The following TRAF3IP3 variants were observed in gnomAD, a reference collection of about 807,000 sequenced individuals.
TRAF3IP3 encodes the protein TRAF3-interacting JNK-activating modulator.
TRAF3IP3 carries 64 observed loss-of-function variants against 86.5 expected under a neutral mutation model. The observed-to-expected ratio is 0.74, with a 90% CI of 0.60 to 0.91. The LOEUF is 0.91. Among genes scored for constraint, TRAF3IP3 ranks in the 40% least tolerant of loss-of-function variants. The pLI, the probability that TRAF3IP3 is intolerant of heterozygous loss-of-function variation, is 0.00. For synonymous variants in TRAF3IP3, 220 were observed against 243.9 expected (o/e 0.90, Z 0.91); for missense variants, 579 against 642.9 (o/e 0.90, Z 1.07).
At chr1:209,780,226 A>G (rs2076153) in intron 14 of TRAF3IP3, 132,802 of 301,396 alleles carry the variant, frequency 0.44, 29,804 homozygotes, top group East Asian at 0.6. Context: ...GCACTAGATA[A>G]GACTGGGGAT....
At chr1:209,773,340 C>G (rs2077585952) in intron 9 of TRAF3IP3, among the ~76,000 whole-genome samples, 1 of 152,230 alleles carries the variant, frequency 6.6e-6, no homozygotes, top group Non-Finnish European at 1.5e-5. Context: ...TAAAGACTCA[C>G]ATCACCCAGA....
chr1:209,781,080 A>G (rs2077768469), intron 15 of TRAF3IP3: 1 of 235,014 alleles, frequency 4.3e-6, no homozygotes, highest in South Asian at 6.5e-5. Context: ...CTCATTTGCA[A>G]AGCACTTGCA....
At position 209,775,686 on chromosome 1, in the gene TRAF3IP3, C is replaced by T; in HGVS notation, c.1003C>T (p.Gln335Ter). The T allele has an allele frequency of 6.2e-7, 1 of 1,614,020 alleles. No individual in the cohort carries two copies. The highest frequency in any genetic ancestry group is 1.1e-5 in the South Asian group (1 of 91,054). ...GGAGGACTGGAGGACCCTTGGGACCCAGCACAGGGAGCTGGAGAGCCAACT... is the reference window on the plus strand; with the variant it reads ...GGAGGACTGGAGGACCCTTGGGACCTAGCACAGGGAGCTGGAGAGCCAACT... ...LKEDWRTLGT[Q>*]HRELESQLHV... The change falls in exon 11 of 17, where the codon CAG becomes TAG. Residue 335 changes from glutamine (Q) to a stop codon, truncating the protein, a stop_gained. Transcript: ENST00000367025. LOFTEE classifies it high-confidence loss of function.
At chr1:209,771,637 G>C (rs1168420759) in intron 8 of TRAF3IP3, among the ~76,000 whole-genome samples, 1 of 147,376 alleles carries the variant, frequency 6.8e-6, no homozygotes, top group Non-Finnish European at 1.5e-5. Flanking sequence ...GGAGGTGTGC[G>C]TGTGCATGTG....
chr1:209,781,733 G>C (rs1178228200), intron 16 of TRAF3IP3: 1 of 482,858 alleles, frequency 2.1e-6, no homozygotes, highest in Non-Finnish European at 3.7e-6. Flanking sequence ...GATAAGCATG[G>C]TGGCAAGAAC....
chr1:209,762,390 C>CG, intron 3 of TRAF3IP3, 125 bp from the exon 4 acceptor site: 3 of 936,096 alleles, frequency 3.2e-6, no homozygotes, highest in Non-Finnish European at 2.9e-6. Context: ...CAGATTTGGG[C>CG]GGGGGGACAA....
At chr1:209,762,729 C>T in intron 4 of TRAF3IP3, 67 bp downstream of exon 4, 2 of 1,154,304 alleles carry the variant, frequency 1.7e-6, no homozygotes, top group Non-Finnish European at 2.2e-6. Flanking sequence ...TCCCAGCTCA[C>T]TGGCAATGGA....
In TRAF3IP3 at chr1:209,760,164, G is replaced by A. The variant is rs1230257789; in HGVS notation, c.125G>A (p.Cys42Tyr). Residue 42 changes from cysteine (C) to tyrosine (Y), a missense_variant, in exon 3 of 17, where the codon TGC (cysteine) becomes TAC (tyrosine). By Grantham distance (194) the Cys-to-Tyr change is radical. Transcript: ENST00000367025. ...SRRCRPNVTT[C>Y]RQVGKTLRIQ... ...CGCTGCCGTCCCAATGTGACCACTTGCCGCCAGGTGGGGAAGACGCTGAGG... is the reference window on the plus strand; with the variant it reads ...CGCTGCCGTCCCAATGTGACCACTTACCGCCAGGTGGGGAAGACGCTGAGG... 9 of 1,614,110 alleles carry A rather than the reference G, an allele frequency of 5.6e-6. No homozygotes were observed. Among genetic ancestry groups the A allele is most frequent in the Non-Finnish European group, 7.6e-6 (9 of 1,180,044 alleles).
intron 16 of TRAF3IP3, 108 bp downstream of exon 16, chr1:209,781,566 T>G: frequency 1.3e-6 from 1 of 741,590 alleles, no homozygotes; most frequent in South Asian, 1.6e-5. Context: ...CTGGCCATCC[T>G]GTCCCACTGT....
intron 8 of TRAF3IP3, among the ~76,000 whole-genome samples, chr1:209,772,453 C>A (rs1050143914): frequency 6.6e-6 from 1 of 152,106 alleles, no homozygotes; most frequent in African/African-American, 2.4e-5. Flanking sequence ...CTTAGGACTT[C>A]AACATAGAAA....
chr1:209,765,202 A>G (rs1218358445), intron 8 of TRAF3IP3, among the ~76,000 whole-genome samples: 62 of 138,432 alleles, frequency 4.5e-4, no homozygotes, highest in Non-Finnish European at 7.3e-4. Context: ...AGAGAGAGAG[A>G]GAGAGAGAGA....
chr1:209,782,064 T>A lies in TRAF3IP3; in HGVS notation c.1572T>A (p.Cys524Ter), dbSNP rs920841438. The A allele has an allele frequency of 5.6e-6, 9 of 1,613,898 alleles. No individual in the cohort carries two copies. In the African/African-American group the frequency reaches 1.1e-4, roughly 19 times the overall value. ...QSQQLPPRRQ[C>*]GRWLPVLMVV... is the part of the protein sequence containing the mutation. ...TCCCTGTCCCCCTACAGAGGCAATGTGGGCGATGGCTCCCAGTGCTGATGG... is the reference window on the plus strand; with the variant it reads ...TCCCTGTCCCCCTACAGAGGCAATGAGGGCGATGGCTCCCAGTGCTGATGG... Residue 524 changes from cysteine (C) to a stop codon, truncating the protein, a stop_gained, in exon 17 of 17, where the codon TGT becomes TGA. Transcript: ENST00000367025. LOFTEE classifies it high-confidence loss of function.
rs772494737 is a variant in TRAF3IP3 at position 209,760,010 on chromosome 1, G to A, written c.-30G>A. Reference sequence around the variant, plus strand: ...CAGGCATCTATTCCAGGAACTGGAAGCCAAGCGCAACAGGTGCTTGGAGGT... The same window carrying A: ...CAGGCATCTATTCCAGGAACTGGAAACCAAGCGCAACAGGTGCTTGGAGGT... On this transcript the variant is annotated 5_prime_UTR_variant, in exon 3 of 17. Coordinates refer to ENST00000367025, the MANE Select transcript of TRAF3IP3 (RefSeq NM_025228.4). 1 of 1,570,972 alleles carries A rather than the reference G, an allele frequency of 6.4e-7. No homozygotes were observed. The highest frequency in any genetic ancestry group is 8.7e-7 in the Non-Finnish European group (1 of 1,145,262).
chr1:209,758,579 A>G (rs2077193279), intron 1 of TRAF3IP3: 1 of 152,236 alleles, frequency 6.6e-6, no homozygotes, highest in African/African-American at 2.4e-5. Flanking sequence ...TGTTTGGCCT[A>G]TAAATAAACC....
chr1:209,779,405 A>G (rs936540885), intron 14 of TRAF3IP3, 31 bp downstream of exon 14: 22 of 1,592,322 alleles, frequency 1.4e-5, no homozygotes, highest in Non-Finnish European at 1.9e-5. Context: ...AAATTCTAAG[A>G]TATTGCTCTT....
rs113229339 is a variant in TRAF3IP3 at position 209,780,457 on chromosome 1, G to C, written c.1313-13G>C. 5.8e-6 allele frequency: 9 copies of C among 1,543,814 alleles called. No homozygotes were observed. Among genetic ancestry groups the C allele is most frequent in the African/African-American group, 4.2e-5 (3 of 72,180 alleles). On this transcript the variant is annotated splice_polypyrimidine_tract_variant and intron_variant, in intron 14 of 16. Transcript: ENST00000367025. ...GGGCCTCACTGTCACCAAGAATCTG[G>C]CTGCTTTTTTAGATCAGGCTTTGCC...
chr1:209,772,991 T>C lies in TRAF3IP3; in HGVS notation c.746T>C (p.Leu249Ser). 6 of 1,613,946 alleles carry C rather than the reference T, an allele frequency of 3.7e-6. No homozygotes were observed. The highest frequency in any genetic ancestry group is 5.1e-6 in the Non-Finnish European group (6 of 1,179,938). The part of the protein sequence containing the change: ...EDKLKGKLRS[L>S]ENQLYTCTQK... ...AAACTGAAGGGGAAACTGAGATCCT[T>C]AGAAAACCAGCTATACACCTGTACC... Residue 249 changes from leucine to serine, a missense_variant, in exon 9 of 17, where the codon TTA becomes TCA. By Grantham distance (145) the Leu-to-Ser change is moderately radical. Transcript: ENST00000367025.
chr1:209,778,176 A>C lies in TRAF3IP3; in HGVS notation c.1252+3A>C. ...GACCAGAGTACAGCAGTTGCAGGGT[A>C]AGTTCGCTTTCCAGATTCTGAAAGT... On this transcript the variant is annotated splice_donor_region_variant and intron_variant, in intron 13 of 16. Coordinates refer to ENST00000367025, the MANE Select transcript of TRAF3IP3 (RefSeq NM_025228.4). 3 of 1,613,804 alleles carry C rather than the reference A, an allele frequency of 1.9e-6. No individual in the cohort carries two copies. Among genetic ancestry groups the C allele is most frequent in the Non-Finnish European group, 2.5e-6 (3 of 1,179,724 alleles).
At chr1:209,768,876 A>T (rs998504409) in intron 8 of TRAF3IP3, among the ~76,000 whole-genome samples, 5 of 152,188 alleles carry the variant, frequency 3.3e-5, no homozygotes, top group Non-Finnish European at 7.3e-5. Context: ...TGCGACTTTT[A>T]TGACGTTTTG....
Sources: allele counts gnomAD v4.1 joint callset (sites outside exome capture counted in the v4.1 genomes callset), GRCh38; gene constraint gnomAD v4.1.1; transcripts MANE v1.5; gene names NCBI Gene and HGNC (gene_info 2026-07-23, HGNC 2026-07-21).